Variants in C15orf40 observed in about 807,000 individuals in gnomAD.
C15orf40 encodes the protein chromosome 15 open reading frame 40.
A neutral mutation model predicts 13.9 loss-of-function variants in C15orf40; 9 were observed. That is an observed-to-expected ratio of 0.65 (90% CI 0.39 to 1.13). The LOEUF (loss-of-function observed/expected upper bound fraction) is 1.13, where lower values mean the gene tolerates loss of function less well. Ranked by LOEUF, C15orf40 falls within the 50% of genes most tolerant of loss-of-function variation. The pLI, the probability that C15orf40 is intolerant of heterozygous loss-of-function variation, is 0.01. For synonymous variants in C15orf40, 95 were observed against 69.2 expected, an observed-to-expected ratio of 1.37 and a Z score of -1.85; for missense variants, 225 against 188.5, an observed-to-expected ratio of 1.19 and a Z score of -1.13.
Position 82,998,094 on chromosome 15 carries a change from T to G in C15orf40, c.*7503A>C, listed in dbSNP as rs2031209269. ...GGGGTGGCTGGCCGGGCTGAGGGGC[T>G]CCTCACTTCCCAGTAGGGGCGGCCG... On this transcript the variant is annotated 3_prime_UTR_variant, in exon 4 of 4. Transcript: ENST00000304177. The G allele has an allele frequency of 1.8e-5, 2 of 113,522 alleles. No homozygotes were observed. Among genetic ancestry groups the G allele is most frequent in the Admixed American group, 1.7e-4 (2 of 11,848 alleles). 7.0% of individuals were successfully genotyped at this position (113,522 alleles called of 1,614,324 possible).
At position 83,004,802 on chromosome 15, in the gene C15orf40, T is replaced by C; in HGVS notation, c.*795A>G. ...AAGACTACAAAGCAGCATAACAGGT[T>C]TTCTGTCACTTGTAAACTGGATTAG... On this transcript the variant is annotated 3_prime_UTR_variant, in exon 4 of 4. Coordinates refer to ENST00000304177, the MANE Select transcript of C15orf40 (RefSeq NM_144597.3). 8.4e-7 allele frequency: 1 copy of C among 1,191,006 alleles called. No homozygotes were observed. Among genetic ancestry groups the C allele is most frequent in the Non-Finnish European group, 1.1e-6 (1 of 925,850 alleles). 73.8% of individuals were successfully genotyped at this position (1,191,006 alleles called of 1,614,324 possible).
chr15:83,011,421 G>GGCCCCGCTTCTCCCGC, intron 1 of C15orf40, 76 bp downstream of exon 1: 1 of 1,473,510 alleles, frequency 6.8e-7, no homozygotes, highest in Non-Finnish European at 9.1e-7. Context: ...CTCACTCCCG[G>GGCCCCGCTTCTCCCGC]GCCCCGCTTC....
chr15:83,006,490 T>C (rs2151287891), intron 3 of C15orf40: 3 of 984,546 alleles, frequency 3.0e-6, no homozygotes, highest in South Asian at 9.4e-5. Context: ...CCAGGTGTGG[T>C]GGCTCACACC....
At chr15:82,994,632 A>G (rs1348354300), downstream of C15orf40, among the ~76,000 whole-genome samples, 1 of 152,216 alleles carries the variant, frequency 6.6e-6, no homozygotes, top group East Asian at 1.9e-4. Context: ...TTGTGAAAGT[A>G]CTTACTTTGT....
downstream of C15orf40, chr15:82,990,488 A>G (rs994444825): frequency 3.3e-6 from 2 of 615,052 alleles, no homozygotes; most frequent in East Asian, 2.8e-5. Context: ...ATGCACAGCT[A>G]TGCTTTTTGT....
chr15:83,001,345 A>G lies in C15orf40; in HGVS notation c.*4252T>C. The G allele has an allele frequency of 5.2e-6, 5 of 956,346 alleles. No individual in the cohort carries two copies. Among genetic ancestry groups the G allele is most frequent in the Non-Finnish European group, 3.7e-6 (3 of 803,468 alleles). 59.2% of individuals were successfully genotyped at this position (956,346 alleles called of 1,614,324 possible). A position where few individuals can be genotyped will look rare whatever the true frequency, so the allele number is the denominator to read the frequency against. On this transcript the variant is annotated 3_prime_UTR_variant, in exon 4 of 4. Coordinates refer to ENST00000304177, the MANE Select transcript of C15orf40 (RefSeq NM_144597.3). ...AACCAAGTTAATAAGTGATTAATAC[A>G]TCATGTTTGCACAAGTAATTATCAT...
At chr15:83,006,689 G>A (rs1366472493) in intron 3 of C15orf40, among the ~76,000 whole-genome samples, 1 of 152,140 alleles carries the variant, frequency 6.6e-6, no homozygotes, top group Non-Finnish European at 1.5e-5. Flanking sequence ...GAGGGGCGGG[G>A]CGCGGGGCGG....
chr15:82,989,164 G>A, downstream of C15orf40: 1 of 1,612,636 alleles, frequency 6.2e-7, no homozygotes, highest in Non-Finnish European at 8.5e-7. Flanking sequence ...AGAGCTGGTG[G>A]GAACCAAAGA....
Position 82,997,286 on chromosome 15 carries a change from G to T in C15orf40, c.*8311C>A, listed in dbSNP as rs2031139787. On this transcript the variant is annotated 3_prime_UTR_variant, in exon 4 of 4. Coordinates refer to ENST00000304177, the MANE Select transcript of C15orf40 (RefSeq NM_144597.3). Reference sequence around the variant, plus strand: ...TTTCTCACAGAGGGGGATTTGGCAGGGAAGGTCAGCAGATAAACAAGTGAA... The same window carrying T: ...TTTCTCACAGAGGGGGATTTGGCAGTGAAGGTCAGCAGATAAACAAGTGAA... 1 of 145,898 alleles carries T rather than the reference G, an allele frequency of 6.9e-6. No individual in the cohort carries two copies. Among genetic ancestry groups the T allele is most frequent in the Non-Finnish European group, 1.5e-5 (1 of 66,756 alleles). 9.0% of individuals were successfully genotyped at this position (145,898 alleles called of 1,614,324 possible).
chr15:82,997,682 A>G lies in C15orf40; in HGVS notation c.*7915T>C, dbSNP rs1431286556. Reference sequence around the variant, plus strand: ...CGCCTTTCTATTCCACAAAGCCGCCATTGTCATCCTGGCCCGTTCTCAATG... The same window carrying G: ...CGCCTTTCTATTCCACAAAGCCGCCGTTGTCATCCTGGCCCGTTCTCAATG... On this transcript the variant is annotated 3_prime_UTR_variant, in exon 4 of 4. Transcript: ENST00000304177. 1.8e-5 allele frequency: 4 copies of G among 217,018 alleles called. No homozygotes were observed. The East Asian group carries it at 4.9e-4, about 27-fold the overall frequency. The allele number at this position is 217,018 out of a possible 1,614,324, so 13.4% of individuals were successfully genotyped here.
downstream of C15orf40, chr15:82,992,192 T>C: frequency 2.9e-6 from 1 of 347,880 alleles, no homozygotes; most frequent in East Asian, 7.7e-5. Flanking sequence ...GTACTCCAGT[T>C]TGGGCTAGAT....
At position 83,005,213 on chromosome 15, in the gene C15orf40, T is replaced by C; in HGVS notation, c.*384A>G. 9.8e-7 allele frequency: 1 copy of C among 1,025,104 alleles called. No homozygotes were observed. The highest frequency in any genetic ancestry group is 9.8e-5 in the East Asian group (1 of 10,256). 63.5% of individuals were successfully genotyped at this position (1,025,104 alleles called of 1,614,324 possible). ...TATGTCCCCCATGTTCTTCTGTGCA[T>C]GTAGTATATTTTTCTATTTAACAGC... On this transcript the variant is annotated 3_prime_UTR_variant, in exon 4 of 4. Transcript: ENST00000304177.
chr15:82,993,676 G>C (rs998016021), downstream of C15orf40, among the ~76,000 whole-genome samples: 2 of 152,086 alleles, frequency 1.3e-5, no homozygotes, highest in Non-Finnish European at 2.9e-5. Flanking sequence ...AGCCAAGCAT[G>C]GTGGTGCAGT....
At chr15:83,010,655 C>G in intron 1 of C15orf40, 1 of 294,640 alleles carries the variant, frequency 3.4e-6, no homozygotes, top group Middle Eastern at 9.6e-4. Flanking sequence ...TTTCCAATTC[C>G]TTGGGGGCAG....
rs1268927791 is a variant in C15orf40 at position 83,002,623 on chromosome 15, G to C, written c.*2974C>G. On this transcript the variant is annotated 3_prime_UTR_variant, in exon 4 of 4. Transcript: ENST00000304177. ...TGTGACTTGATTTGGGCTGATACAA[G>C]GGAAGGCTGACTGAAAGCTTCTGGA... The C allele has an allele frequency of 6.6e-6, 1 of 152,212 alleles. No individual in the cohort carries two copies. Among genetic ancestry groups the C allele is most frequent in the Non-Finnish European group, 1.5e-5 (1 of 68,058 alleles). The allele number at this position is 152,212 out of a possible 1,614,324, so 9.4% of individuals were successfully genotyped here. A position where few individuals can be genotyped will look rare whatever the true frequency, so the allele number is the denominator to read the frequency against.
In C15orf40 at chr15:83,005,159, G is replaced by A; in HGVS notation, c.*438C>T. The A allele has an allele frequency of 9.5e-7, 1 of 1,054,996 alleles. No individual in the cohort carries two copies. Among genetic ancestry groups the A allele is most frequent in the South Asian group, 3.1e-5 (1 of 32,620 alleles). 65.4% of individuals were successfully genotyped at this position (1,054,996 alleles called of 1,614,324 possible). A position where few individuals can be genotyped will look rare whatever the true frequency, so the allele number is the denominator to read the frequency against. On this transcript the variant is annotated 3_prime_UTR_variant, in exon 4 of 4. Transcript: ENST00000304177. ...AGCACTTTTTAAATTTCTACTTTTT[G>A]GAGTCTTATTCGAATATATACATAT...
Position 82,997,130 on chromosome 15 carries a change from C to T in C15orf40, c.*8467G>A, listed in dbSNP as rs989013527. 1.5e-4 allele frequency: 23 copies of T among 150,042 alleles called. No homozygotes were observed. Among genetic ancestry groups the T allele is most frequent in the African/African-American group, 5.6e-4 (23 of 41,072 alleles). 9.3% of individuals were successfully genotyped at this position (150,042 alleles called of 1,614,324 possible). ...TCTATCTTGCCTTCTAAATTTCATA[C>T]CGTTTTCAGCCTCTTCTCTGTTGCA... On this transcript the variant is annotated 3_prime_UTR_variant, in exon 4 of 4. Transcript: ENST00000304177.
At chr15:83,008,208 T>G in intron 3 of C15orf40, 6 of 194,480 alleles carry the variant, frequency 3.1e-5, no homozygotes, top group South Asian at 2.3e-4. Flanking sequence ...AAAAAGAAAA[T>G]AATTAAAGAA....
intron 2 of C15orf40, among the ~76,000 whole-genome samples, chr15:83,009,958 C>G (rs2031902957): frequency 6.6e-6 from 1 of 152,190 alleles, no homozygotes; most frequent in South Asian, 2.1e-4. Flanking sequence ...TAAGAATAAT[C>G]CAGACTACAC....
Sources: gnomAD v4.1 joint callset for allele counts (sites outside exome capture counted in the v4.1 genomes callset) on GRCh38, gnomAD v4.1.1 for gene constraint, MANE v1.5 for transcripts, NCBI Gene and HGNC (gene_info 2026-07-23, HGNC 2026-07-21) for gene names.